The following CENPP variants were observed in gnomAD, a reference collection of about 807,000 sequenced individuals.
The protein encoded by CENPP is centromere protein P.
CENPP carries 24 observed loss-of-function variants against 35.6 expected under a neutral mutation model. That is an observed-to-expected ratio of 0.67 (90% CI 0.49 to 0.95). The LOEUF is 0.95. CENPP is among the 40% of genes least tolerant of loss of function. The probability of loss-of-function intolerance (pLI) is 0.00; values close to 1 mark genes in which losing one functional copy is unlikely to be tolerated. For synonymous variants in CENPP, 120 were observed against 125.5 expected (o/e 0.96, Z 0.29); for missense variants, 332 against 345.3 (o/e 0.96, Z 0.31).
chr9:92,471,720 G>A (rs1174120838), intron 5 of CENPP, among the ~76,000 whole-genome samples: 1 of 148,698 alleles, frequency 6.7e-6, no homozygotes, highest in Middle Eastern at 3.3e-3. Flanking sequence ...CGGCTGGAGT[G>A]CAGTGGCGCC....
At chr9:92,381,396 C>T (rs775639459) in intron 5 of CENPP, among the ~76,000 whole-genome samples, 2 of 151,864 alleles carry the variant, frequency 1.3e-5, no homozygotes, top group Admixed American at 6.6e-5. Flanking sequence ...GTGATCCTCC[C>T]ACCTCAGCCT....
chr9:92,421,320 A>G (rs764587284), intron 5 of CENPP, among the ~76,000 whole-genome samples: 1 of 152,172 alleles, frequency 6.6e-6, no homozygotes, highest in African/African-American at 2.4e-5. Flanking sequence ...GATTACAGGC[A>G]TGAGCCACCA....
At chr9:92,362,259 A>C (rs1034704752) in intron 4 of CENPP, among the ~76,000 whole-genome samples, 5 of 152,122 alleles carry the variant, frequency 3.3e-5, no homozygotes, top group Non-Finnish European at 7.4e-5. Flanking sequence ...GCATGCCTAT[A>C]GTTCTAGCTA....
At chr9:92,384,506 A>G (rs572764234) in intron 5 of CENPP, 16 of 152,326 alleles carry the variant, frequency 1.1e-4, no homozygotes, top group African/African-American at 3.8e-4. Context: ...GGTACAAGTG[A>G]GAGGAATGTT....
At chr9:92,540,193 C>T (rs1360772048) in intron 5 of CENPP, among the ~76,000 whole-genome samples, 4 of 152,208 alleles carry the variant, frequency 2.6e-5, no homozygotes, top group African/African-American at 9.7e-5. Context: ...AATCCCTGCA[C>T]TTCGGGAGGC....
chr9:92,334,053 G>A (rs772133093), intron 2 of CENPP, among the ~76,000 whole-genome samples: 11 of 151,196 alleles, frequency 7.3e-5, no homozygotes, highest in Non-Finnish European at 1.2e-4. Flanking sequence ...TGTAAGAGTC[G>A]GTTTACAAAC....
intron 5 of CENPP, among the ~76,000 whole-genome samples, chr9:92,465,972 A>G (rs1845294297): frequency 6.6e-6 from 1 of 152,010 alleles, no homozygotes; most frequent in Non-Finnish European, 1.5e-5. Flanking sequence ...AGCTGAGATT[A>G]CAGGCACCTG....
intron 5 of CENPP, among the ~76,000 whole-genome samples, chr9:92,406,328 T>G (rs974352327): frequency 1.3e-5 from 2 of 152,078 alleles, no homozygotes; most frequent in Non-Finnish European, 2.9e-5. Context: ...AAGAAAGTAT[T>G]TTATATCCTG....
At chr9:92,581,305 T>G (rs1850419209) in intron 5 of CENPP, among the ~76,000 whole-genome samples, 1 of 152,178 alleles carries the variant, frequency 6.6e-6, no homozygotes, top group Admixed American at 6.6e-5. Flanking sequence ...CATTTTGTGT[T>G]TTTTTCTGCA....
intron 5 of CENPP, chr9:92,466,280 T>G (rs1274339606): frequency 1.1e-6 from 1 of 948,200 alleles, no homozygotes; most frequent in East Asian, 2.5e-5. Flanking sequence ...GAAATTATTC[T>G]TAATAGTGAC....
intron 5 of CENPP, chr9:92,457,423 C>T: frequency 6.2e-7 from 1 of 1,613,720 alleles, no homozygotes; most frequent in Non-Finnish European, 8.5e-7. Context: ...TCATCTTTGG[C>T]ACTGTTGGAC....
chr9:92,568,458 G>C (rs983002802), intron 5 of CENPP, among the ~76,000 whole-genome samples: 9 of 152,134 alleles, frequency 5.9e-5, no homozygotes, highest in Admixed American at 2.6e-4. Context: ...GTGTATATGT[G>C]CCACATTTTC....
At chr9:92,504,464 A>G (rs1330766165) in intron 5 of CENPP, among the ~76,000 whole-genome samples, 1 of 152,156 alleles carries the variant, frequency 6.6e-6, no homozygotes, top group Non-Finnish European at 1.5e-5. Context: ...CTTAGTAAGG[A>G]AACCTGGGTT....
chr9:92,560,724 C>T (rs1224771532), intron 5 of CENPP, among the ~76,000 whole-genome samples: 8 of 152,216 alleles, frequency 5.3e-5, no homozygotes, highest in Non-Finnish European at 2.9e-5. Flanking sequence ...ATCTACAGGA[C>T]ATGCCTCCAT....
intron 5 of CENPP, among the ~76,000 whole-genome samples, chr9:92,450,291 T>C (rs1309603540): frequency 4.4e-5 from 6 of 134,974 alleles, no homozygotes; most frequent in African/African-American, 1.4e-4. Flanking sequence ...TTCCCCTTCC[T>C]GTGTCCATGT....
At chr9:92,558,984 C>T (rs1849787499) in intron 5 of CENPP, among the ~76,000 whole-genome samples, 1 of 152,072 alleles carries the variant, frequency 6.6e-6, no homozygotes, top group African/African-American at 2.4e-5. Context: ...TCCCCCGCCA[C>T]CCAACAGCCC....
Position 92,326,244 on chromosome 9 carries a change from G to T in CENPP, c.107+139G>T, listed in dbSNP as rs536458517. On this transcript the variant is annotated intron_variant, in intron 1 of 7. Transcript: ENST00000375587. ...GAACTGGCATTGATCCTGTCATGAC[G>T]ATGGCCTAGAGTTGGGAGCAGCGCG... 10 of 628,966 alleles carry T rather than the reference G, an allele frequency of 1.6e-5. No individual in the cohort carries two copies. In the Admixed American group the frequency reaches 2.8e-4, roughly 17 times the overall value. The allele number at this position is 628,966 out of a possible 1,614,324, so 39.0% of individuals were successfully genotyped here.
intron 4 of CENPP, among the ~76,000 whole-genome samples, chr9:92,370,785 A>G (rs1288739893): frequency 6.6e-6 from 1 of 151,820 alleles, no homozygotes; most frequent in Non-Finnish European, 1.5e-5. Context: ...CCCAACCTAG[A>G]CTTCTTGTTG....
intron 5 of CENPP, among the ~76,000 whole-genome samples, chr9:92,567,396 A>ATATATATATC: frequency 8.8e-6 from 1 of 113,234 alleles, no homozygotes; most frequent in South Asian, 2.3e-4. Flanking sequence ...ATATATATAT[A>ATATATATATC]GATATATATA....
Sources: gnomAD v4.1 joint callset for allele counts (sites outside exome capture counted in the v4.1 genomes callset) on GRCh38, gnomAD v4.1.1 for gene constraint, MANE v1.5 for transcripts, NCBI Gene and HGNC (gene_info 2026-07-23, HGNC 2026-07-21) for gene names.